POLK: variants seen among roughly 807,000 people sequenced by gnomAD.
The protein encoded by POLK is DNA polymerase kappa, also known as polymerase (DNA directed) kappa.
POLK carries 76 observed loss-of-function variants against 94.0 expected under a neutral mutation model. The ratio of observed to expected loss-of-function variants is 0.81; its 90% CI spans 0.67 to 0.98. POLK has a LOEUF of 0.98. Ranked by LOEUF, POLK falls within the 50% of genes least tolerant of loss-of-function variation. The probability of loss-of-function intolerance (pLI) is 0.00; values close to 1 mark genes in which losing one functional copy is unlikely to be tolerated. For synonymous variants in POLK, 349 were observed against 325.4 expected (o/e 1.07, Z -0.78); for missense variants, 954 against 1,010.1 (o/e 0.94, Z 0.75).
intron 3 of POLK, among the ~76,000 whole-genome samples, chr5:75,559,523 G>GTTTTTTTTT (rs775525619): frequency 7.1e-4 from 39 of 54,678 alleles, no homozygotes; most frequent in African/African-American, 8.8e-4. Flanking sequence ...GTTTTGTTTT[G>GTTTTTTTTT]TTTTTTTTTT....
At chr5:75,589,248 A>G (rs1360091155) in intron 10 of POLK, among the ~76,000 whole-genome samples, 1 of 152,100 alleles carries the variant, frequency 6.6e-6, no homozygotes, top group Admixed American at 6.6e-5. Flanking sequence ...AAATGAGGAA[A>G]TCATTTACTC....
At chr5:75,511,978 G>C (rs1768045859) in intron 1 of POLK, 64 bp downstream of exon 1, 3 of 630,388 alleles carry the variant, frequency 4.8e-6, no homozygotes, top group Non-Finnish European at 8.2e-6. Context: ...GGTGGGCTTC[G>C]TTTGACAGTT....
upstream of POLK, chr5:75,511,612 C>A: frequency 6.8e-7 from 1 of 1,470,836 alleles, no homozygotes; most frequent in Non-Finnish European, 9.0e-7. Context: ...CGCCATCTTC[C>A]TGCCTGGCCC....
rs747097112 is a variant in POLK, at chr5:75,596,984, G to A, written c.2291G>A (p.Arg764His). The stretch of plus-strand genomic sequence containing the variant: ...GTTGGATCATTTAGACAAGAATACC[G>A]CCAGCCTTACTTATGTGAAGTGAAA... Residue 764 changes from arginine to histidine, a missense_variant, in exon 13 of 15, where the codon CGC becomes CAC. Arg to His is a conservative substitution (Grantham distance 29). Transcript: ENST00000241436. 1.7e-5 allele frequency: 28 copies of A among 1,613,690 alleles called. No individual in the cohort carries two copies. The highest frequency in any genetic ancestry group is 1.7e-4 in the Middle Eastern group (1 of 6,060).
chr5:75,512,271 A>G (rs1768078603), intron 1 of POLK: 1 of 153,636 alleles, frequency 6.5e-6, no homozygotes, highest in Non-Finnish European at 1.4e-5. Flanking sequence ...TTGACGTTTA[A>G]AGGAAGAATT....
chr5:75,609,941 TC>T, the POLK span: 20 of 152,338 alleles, frequency 1.3e-4, no homozygotes, highest in Non-Finnish European at 2.2e-4. Flanking sequence ...AAATGATACA[TC>T]TTTTGTAAAT....
chr5:75,539,870 A>G (rs977567182), intron 1 of POLK, among the ~76,000 whole-genome samples: 3 of 152,262 alleles, frequency 2.0e-5, no homozygotes, highest in Non-Finnish European at 4.4e-5. Flanking sequence ...TAGAATACAT[A>G]TGAAGAAATT....
chr5:75,518,722 T>G (rs999321191), intron 1 of POLK, among the ~76,000 whole-genome samples: 1 of 152,228 alleles, frequency 6.6e-6, no homozygotes, highest in African/African-American at 2.4e-5. Context: ...ATTTGAAATC[T>G]TTCTCCTTTT....
In POLK at chr5:75,596,855, A is replaced by G. The variant is rs1039652421; in HGVS notation, c.2162A>G (p.Asn721Ser). The change falls in exon 13 of 15, where the codon AAT becomes AGT. Residue 721 changes from asparagine (N) to serine (S), a missense_variant. Coordinates refer to ENST00000241436, the Ensembl canonical transcript of POLK. ...GCAGAAAGCATAGATGCTTTAAGTA[A>G]TAAGCATAGCAAGGAAGAATGTTCT... is the stretch of plus-strand genomic sequence containing the variant. 5 of 1,612,744 alleles carry G rather than the reference A, an allele frequency of 3.1e-6. No homozygotes were observed. Among genetic ancestry groups the G allele is most frequent in the Non-Finnish European group, 4.2e-6 (5 of 1,179,022 alleles).
At chr5:75,532,693 C>T (rs1769242828) in intron 1 of POLK, among the ~76,000 whole-genome samples, 1 of 152,232 alleles carries the variant, frequency 6.6e-6, no homozygotes, top group African/African-American at 2.4e-5. Flanking sequence ...AACTAATTTA[C>T]ATTCCCACCA....
chr5:75,571,870 C>T (rs1771617778), intron 4 of POLK, among the ~76,000 whole-genome samples: 1 of 152,092 alleles, frequency 6.6e-6, no homozygotes, highest in African/African-American at 2.4e-5. Context: ...GTTTGTTTGT[C>T]CTCTGCTATA....
intron 6 of POLK, among the ~76,000 whole-genome samples, chr5:75,580,071 A>G (rs541762687): frequency 6.6e-6 from 1 of 151,954 alleles, no homozygotes; most frequent in Non-Finnish European, 1.5e-5. Context: ...AACATCTATG[A>G]CTTACTTCAC....
intron 2 of POLK, among the ~76,000 whole-genome samples, chr5:75,548,891 A>G (rs1770191388): frequency 1.3e-5 from 2 of 152,138 alleles, no homozygotes; most frequent in Admixed American, 1.3e-4. Flanking sequence ...AAATTCCACG[A>G]TAAAAAGTTA....
the POLK span, chr5:75,608,677 G>T: frequency 1.3e-5 from 2 of 152,202 alleles, no homozygotes; most frequent in Non-Finnish European, 2.9e-5. Flanking sequence ...CTCCTCTGAG[G>T]AAGTGACATT....
intron 1 of POLK, among the ~76,000 whole-genome samples, chr5:75,529,057 T>C (rs1769014121): frequency 6.6e-6 from 1 of 152,216 alleles, no homozygotes; most frequent in Non-Finnish European, 1.5e-5. Flanking sequence ...GAATACCTAA[T>C]TGTGTTAGTC....
intron 3 of POLK, among the ~76,000 whole-genome samples, chr5:75,555,301 A>G (rs775408771): frequency 1.7e-4 from 26 of 151,836 alleles, no homozygotes; most frequent in Non-Finnish European, 2.8e-4. Flanking sequence ...TGCTCCATCT[A>G]TTCATCCCTC....
chr5:75,533,540 T>C (rs1001376749), intron 1 of POLK, among the ~76,000 whole-genome samples: 7 of 152,232 alleles, frequency 4.6e-5, no homozygotes, highest in Non-Finnish European at 8.8e-5. Flanking sequence ...TTTGTTCTTT[T>C]TGCTTAGGGT....
intron 9 of POLK, among the ~76,000 whole-genome samples, chr5:75,585,513 TG>T (rs1186229354): frequency 6.6e-6 from 1 of 151,832 alleles, no homozygotes; most frequent in Non-Finnish European, 1.5e-5. Context: ...AGAAAATGAC[TG>T]GGGGGTAAGT....
rs1464741639 is a variant in POLK, at chr5:75,597,916, T to C, written c.2529-18T>C. 2.2e-6 allele frequency: 3 copies of C among 1,334,926 alleles called. No individual in the cohort carries two copies. In the Admixed American group the frequency reaches 7.1e-5, roughly 32 times the overall value. The allele number at this position is 1,334,926 out of a possible 1,614,324, so 82.7% of individuals were successfully genotyped here. On this transcript the variant is annotated intron_variant, in intron 14 of 14. Transcript: ENST00000241436. ...AATCTCTTCCTGCATTTTAATTGTG[T>C]GTTCCTTTTCATTCTAGGCCAGGAT...
Sources: gnomAD v4.1 joint callset for allele counts (sites outside exome capture counted in the v4.1 genomes callset) on GRCh38, gnomAD v4.1.1 for gene constraint, MANE v1.5 for transcripts, NCBI Gene and HGNC (gene_info 2026-07-23, HGNC 2026-07-21) for gene names.